GNL3L: variants seen among roughly 807,000 people sequenced by gnomAD.
The protein encoded by GNL3L is G protein nucleolar 3 like.
GNL3L carries 4 observed loss-of-function variants against 42.9 expected under a neutral mutation model. That is an observed-to-expected ratio of 0.09 (90% CI 0.05 to 0.21). The LOEUF is 0.21. GNL3L is among the 10% of genes least tolerant of loss of function. The pLI is 1.00. For missense variants in GNL3L, 412 were observed against 481.7 expected (o/e 0.86, Z 1.36); for synonymous variants, 159 against 176.3 (o/e 0.90, Z 0.78).
intron 16 of GNL3L, among the ~76,000 whole-genome samples, chrX:54,589,534 C>G (rs2147519953): frequency 9.0e-6 from 1 of 111,592 alleles, no homozygotes; most frequent in Non-Finnish European, 1.9e-5. Flanking sequence ...ACATAATGAT[C>G]TCTAGTTCCA....
intron 16 of GNL3L, among the ~76,000 whole-genome samples, chrX:54,608,589 G>C (rs903603149): frequency 9.1e-6 from 1 of 109,976 alleles, no homozygotes; most frequent in Admixed American, 9.8e-5. Flanking sequence ...CCACATATCA[G>C]TGAGAACATA....
At position 54,551,713 on chromosome X, in the gene GNL3L, A is replaced by C. The variant is rs746691132; in HGVS notation, c.1009A>C (p.Thr337Pro). Residue 337 changes from threonine to proline, a missense_variant, in exon 11 of 16, where the codon ACC becomes CCC. Coordinates refer to ENST00000360845, the MANE Select transcript of GNL3L (RefSeq NM_001184819.2). ...KLADPVTPVE[T>P]ILQRCNLEEI... is the part of the protein sequence containing the mutation. ...GGCAGACCCTGTGACCCCAGTGGAG[A>C]CCATCCTGCAGCGCTGCAACCTGGA... 4 of 1,211,136 alleles carry C rather than the reference A, an allele frequency of 3.3e-6. No individual in the cohort carries two copies. The South Asian group carries it at 7.0e-5, about 21-fold the overall frequency.
At chrX:54,537,008 G>C (rs1924454537) in intron 2 of GNL3L, among the ~76,000 whole-genome samples, 1 of 104,512 alleles carries the variant, frequency 9.6e-6, no homozygotes, top group Admixed American at 1.0e-4. Context: ...TCCAGGGTAT[G>C]TCTTTTTGGT....
At chrX:54,608,392 G>A (rs1008488940) in intron 16 of GNL3L, among the ~76,000 whole-genome samples, 1 of 111,059 alleles carries the variant, frequency 9.0e-6, no homozygotes, top group Non-Finnish European at 1.9e-5. Flanking sequence ...GGGTACAGGT[G>A]GTATTTGGTT....
the GNL3L span, among the ~76,000 whole-genome samples, chrX:54,632,813 C>T: frequency 1.8e-5 from 2 of 111,642 alleles, no homozygotes; most frequent in South Asian, 3.7e-4. Context: ...TAAGCTAGTG[C>T]GATCTTTTGG....
intron 9 of GNL3L, among the ~76,000 whole-genome samples, chrX:54,550,482 A>G (rs910787184): frequency 3.4e-4 from 38 of 111,732 alleles, no homozygotes; most frequent in African/African-American, 1.1e-3. Flanking sequence ...GGGAAACACA[A>G]AGACATCCAC....
intron 12 of GNL3L, 96 bp downstream of exon 12, chrX:54,552,070 TC>T (rs1180020584): frequency 9.7e-7 from 1 of 1,029,214 alleles, no homozygotes; most frequent in Non-Finnish European, 1.3e-6. Flanking sequence ...CAGCTTGACT[TC>T]CTGGGTCTTG....
At chrX:54,555,633 ATTTTTTTTTTTTTTT>A (rs759334820) in intron 14 of GNL3L, among the ~76,000 whole-genome samples, 2 of 66,381 alleles carry the variant, frequency 3.0e-5, no homozygotes, top group South Asian at 6.8e-4. Context: ...ACCATGCCTA[ATTTTTTTTTTTTTTT>A]TTTTTTTTTT....
chrX:54,592,827 AC>A (rs1407080036), intron 16 of GNL3L, among the ~76,000 whole-genome samples: 2 of 110,537 alleles, frequency 1.8e-5, no homozygotes, highest in African/African-American at 6.6e-5. Flanking sequence ...AAAAAAAAAA[AC>A]AAAAAGATGT....
chrX:54,602,846 C>G (rs1430276195), intron 16 of GNL3L, among the ~76,000 whole-genome samples: 1 of 111,571 alleles, frequency 9.0e-6, no homozygotes, highest in Non-Finnish European at 1.9e-5. Context: ...TGCCTACAAT[C>G]TTAGCAAACT....
At chrX:54,555,633 A>ATTTTTT (rs759334820) in intron 14 of GNL3L, among the ~76,000 whole-genome samples, 6 of 66,396 alleles carry the variant, frequency 9.0e-5, no homozygotes, top group Non-Finnish European at 1.6e-4. Context: ...ACCATGCCTA[A>ATTTTTT]TTTTTTTTTT....
intron 16 of GNL3L, among the ~76,000 whole-genome samples, chrX:54,583,524 G>A (rs2147516317): frequency 9.0e-6 from 1 of 110,636 alleles, no homozygotes; most frequent in South Asian, 3.8e-4. Context: ...GATCATTGAT[G>A]TCAAGTCTAA....
At chrX:54,596,881 T>A (rs181493995) in intron 16 of GNL3L, among the ~76,000 whole-genome samples, 109 of 111,261 alleles carry the variant, frequency 9.8e-4, no homozygotes, top group African/African-American at 3.3e-3. Context: ...TATGTTCCCT[T>A]ATGGCCCAAG....
At chrX:54,542,875 A>G (rs1327950917) in intron 5 of GNL3L, 80 bp from the exon 6 acceptor site, 3 of 576,445 alleles carry the variant, frequency 5.2e-6, no homozygotes, top group South Asian at 2.6e-5. Context: ...TAAGCCTCCT[A>G]TAGTTTAAAA....
At chrX:54,583,922 C>T (rs969339400) in intron 16 of GNL3L, among the ~76,000 whole-genome samples, 9 of 111,206 alleles carry the variant, frequency 8.1e-5, no homozygotes, top group Non-Finnish European at 5.7e-5. Flanking sequence ...GGATTATAGG[C>T]GTGAGCCACT....
chrX:54,603,558 G>A (rs907815658), intron 16 of GNL3L, among the ~76,000 whole-genome samples: 8 of 111,402 alleles, frequency 7.2e-5, no homozygotes, highest in African/African-American at 2.6e-4. Flanking sequence ...CAAACTTAAC[G>A]TTAGCAGCAA....
chrX:54,628,212 GGT>G, the GNL3L span, among the ~76,000 whole-genome samples: 11,459 of 95,375 alleles, frequency 0.12, 756 homozygotes, highest in African/African-American at 0.23. Context: ...AGTATTCCGT[GGT>G]GTGTGTGTGT....
At position 54,560,996 on chromosome X, in the gene GNL3L, T is replaced by C; in HGVS notation, c.*394T>C. On this transcript the variant is annotated 3_prime_UTR_variant, in exon 16 of 16. Coordinates refer to ENST00000360845, the MANE Select transcript of GNL3L (RefSeq NM_001184819.2). ...CTAAGGCAGGAGAATCGCCTGAACC[T>C]GGGAGGCAGAGGTTGCAGTGAGCCC... 1 of 108,446 alleles carries C rather than the reference T, an allele frequency of 9.2e-6. No homozygotes were observed. Among genetic ancestry groups the C allele is most frequent in the Non-Finnish European group, 1.9e-5 (1 of 54,013 alleles). The allele number at this position is 108,446 out of a possible 1,213,427, so 8.9% of individuals were successfully genotyped here. A position where few individuals can be genotyped will look rare whatever the true frequency, so the allele number is the denominator to read the frequency against.
rs758286183 is a variant in GNL3L at position 54,565,337 on chromosome X, G to A, written c.*4735G>A. On this transcript the variant is annotated 3_prime_UTR_variant, in exon 16 of 16. Transcript: ENST00000360845. ...TAAATACCTAGAGTTGGATTGCTGGGATATATGGTAAGCATATGTTTGACA... is the reference window on the plus strand; with the variant it reads ...TAAATACCTAGAGTTGGATTGCTGGAATATATGGTAAGCATATGTTTGACA... Among the ~76,000 whole-genome samples the A allele has an allele frequency of 8.9e-6, 1 of 111,828 alleles. No individual in the cohort carries two copies. The highest frequency in any genetic ancestry group is 3.7e-4 in the South Asian group (1 of 2,699).
Sources: allele counts gnomAD v4.1 joint callset (sites outside exome capture counted in the v4.1 genomes callset), GRCh38; gene constraint gnomAD v4.1.1; transcripts MANE v1.5; gene names NCBI Gene and HGNC (gene_info 2026-07-23, HGNC 2026-07-21).